The following ARB2A variants were observed in gnomAD, a reference collection of about 807,000 sequenced individuals.
ARB2A encodes the protein ARB2 cotranscriptional regulator A.
chr5:93,784,362 C>G, the ARB2A span: 1 of 1,582,350 alleles, frequency 6.3e-7, no homozygotes, highest in Non-Finnish European at 8.7e-7. Context: ...CATCTCAGCA[C>G]TAAAAAAAAC....
At chr5:93,764,180 G>C in the ARB2A span, among the ~76,000 whole-genome samples, 1 of 152,034 alleles carries the variant, frequency 6.6e-6, no homozygotes, top group Non-Finnish European at 1.5e-5. Context: ...CTAACAGAAG[G>C]CAAGAAATAA....
At chr5:93,991,171 T>C in the ARB2A span, among the ~76,000 whole-genome samples, 1 of 152,030 alleles carries the variant, frequency 6.6e-6, no homozygotes, top group African/African-American at 2.4e-5. Flanking sequence ...AGGAGTCAGT[T>C]GAGTTGCAAC....
the ARB2A span, among the ~76,000 whole-genome samples, chr5:93,840,689 T>C: frequency 1.3e-5 from 2 of 152,186 alleles, no homozygotes; most frequent in Non-Finnish European, 2.9e-5. Context: ...TTGAACTGGC[T>C]ACATGCTTTC....
chr5:93,755,138 G>C, the ARB2A span, among the ~76,000 whole-genome samples: 7 of 152,154 alleles, frequency 4.6e-5, no homozygotes, highest in African/African-American at 1.7e-4. Context: ...TCTTCCTTCT[G>C]ATGAACTCAA....
chr5:94,094,037 C>CAA, the ARB2A span, among the ~76,000 whole-genome samples: 1 of 152,152 alleles, frequency 6.6e-6, no homozygotes, highest in Non-Finnish European at 1.5e-5. Context: ...GTTTGACACT[C>CAA]TGTTCTCCAG....
the ARB2A span, among the ~76,000 whole-genome samples, chr5:94,011,680 G>A: frequency 6.6e-6 from 1 of 152,070 alleles, no homozygotes; most frequent in African/African-American, 2.4e-5. Context: ...CTGGTAGCTG[G>A]TGTGGGTGGA....
At chr5:93,645,270 T>C in the ARB2A span, among the ~76,000 whole-genome samples, 1 of 152,142 alleles carries the variant, frequency 6.6e-6, no homozygotes, top group Non-Finnish European at 1.5e-5. Flanking sequence ...AAATCTTATT[T>C]TTCATCTTTG....
the ARB2A span, among the ~76,000 whole-genome samples, chr5:93,645,848 T>A: frequency 6.6e-6 from 1 of 152,172 alleles, no homozygotes; most frequent in South Asian, 2.1e-4. Context: ...AGATTCATGA[T>A]CAGAAGAAAT....
chr5:93,628,373 T>C, the ARB2A span, among the ~76,000 whole-genome samples: 2 of 152,096 alleles, frequency 1.3e-5, no homozygotes, highest in Non-Finnish European at 2.9e-5. Flanking sequence ...TTTAAGGCCC[T>C]AGGATTTTTT....
At chr5:93,957,639 A>G in the ARB2A span, among the ~76,000 whole-genome samples, 37 of 151,282 alleles carry the variant, frequency 2.4e-4, no homozygotes, top group East Asian at 1.2e-3. Context: ...AAAAAGTGGG[A>G]AAAAAAAACA....
At chr5:93,723,408 A>G in the ARB2A span, among the ~76,000 whole-genome samples, 1 of 152,136 alleles carries the variant, frequency 6.6e-6, no homozygotes. Flanking sequence ...TAATAGCTTC[A>G]AATAACTTCA....
chr5:93,837,659 C>A, the ARB2A span, among the ~76,000 whole-genome samples: 1 of 152,120 alleles, frequency 6.6e-6, no homozygotes, highest in African/African-American at 2.4e-5. Context: ...TCTCCCCAAT[C>A]TCACCAGCAT....
chr5:93,862,309 A>G, the ARB2A span: 1 of 152,194 alleles, frequency 6.6e-6, no homozygotes, highest in African/African-American at 2.4e-5. Context: ...AGTTCCCCTG[A>G]AAGTCTTAAC....
the ARB2A span, among the ~76,000 whole-genome samples, chr5:93,973,380 T>C: frequency 1.6e-4 from 24 of 151,846 alleles, no homozygotes; most frequent in South Asian, 4.1e-4. Context: ...GAAAAAATAA[T>C]TGTAAAAACT....
chr5:93,807,435 A>T, the ARB2A span, among the ~76,000 whole-genome samples: 1 of 151,976 alleles, frequency 6.6e-6, no homozygotes, highest in Admixed American at 6.6e-5. Context: ...TGTACTATTC[A>T]TATTAGTATT....
the ARB2A span, among the ~76,000 whole-genome samples, chr5:93,716,213 G>A: frequency 2.0e-5 from 3 of 152,132 alleles, no homozygotes; most frequent in African/African-American, 4.8e-5. Context: ...TATTAGCCAC[G>A]TATAAATCTT....
chr5:93,822,820 A>C, the ARB2A span, among the ~76,000 whole-genome samples: 1 of 152,130 alleles, frequency 6.6e-6, no homozygotes, highest in Non-Finnish European at 1.5e-5. Context: ...AATAATCCCT[A>C]AAAACTGAAA....
the ARB2A span, among the ~76,000 whole-genome samples, chr5:93,860,144 T>C: frequency 3.3e-5 from 5 of 151,942 alleles, no homozygotes. Flanking sequence ...AATACAAAAA[T>C]TAGCCGGGTG....
the ARB2A span, among the ~76,000 whole-genome samples, chr5:94,063,384 G>A: frequency 3.3e-5 from 5 of 152,066 alleles, no homozygotes; most frequent in Non-Finnish European, 5.9e-5. Context: ...CTAGCCTGTC[G>A]TACCTACCAT....
Sources: allele counts gnomAD v4.1 joint callset (sites outside exome capture counted in the v4.1 genomes callset), GRCh38; gene constraint gnomAD v4.1.1; transcripts MANE v1.5; gene names NCBI Gene and HGNC (gene_info 2026-07-23, HGNC 2026-07-21).